The following PRPSAP1 variants were observed in gnomAD, a reference collection of about 807,000 sequenced individuals.
PRPSAP1 encodes phosphoribosyl pyrophosphate synthase-associated protein 1.
PRPSAP1 carries 31 observed loss-of-function variants against 39.4 expected under a neutral mutation model. The ratio of observed to expected loss-of-function variants is 0.79; its 90% confidence interval spans 0.59 to 1.06. The LOEUF (loss-of-function observed/expected upper bound fraction) is 1.06, where lower values mean the gene tolerates loss of function less well. Among genes scored for constraint, PRPSAP1 ranks in the 50% least tolerant of loss-of-function variants. PRPSAP1 has a pLI of 0.00. For missense variants in PRPSAP1, 430 were observed against 511.6 expected (o/e 0.84, Z 1.54); for synonymous variants, 212 against 192.6 (o/e 1.10, Z -0.83).
intron 3 of PRPSAP1, among the ~76,000 whole-genome samples, chr17:76,343,464 G>C (rs935615762): frequency 2.0e-5 from 3 of 152,254 alleles, no homozygotes; most frequent in Admixed American, 6.5e-5. Flanking sequence ...GTAACAACTA[G>C]AAGCTTTTCA....
At position 76,344,692 on chromosome 17, in the gene PRPSAP1, A is replaced by G. The variant is rs199893449; in HGVS notation, c.269T>C (p.Phe90Ser). The G allele has an allele frequency of 3.7e-5, 58 of 1,579,870 alleles. No homozygotes were observed. The highest frequency in any genetic ancestry group is 4.6e-5 in the Non-Finnish European group (53 of 1,157,388). Residue 90 changes from phenylalanine (F) to serine (S), a missense_variant, in exon 3 of 10, where the codon TTC becomes TCC. Phe to Ser is a radical substitution (Grantham distance 155). This residue lies in a region of PRPSAP1 where 152 missense variants were observed against 135.2 expected (regional missense o/e 1.12). Coordinates refer to ENST00000446526, the MANE Select transcript of PRPSAP1 (RefSeq NM_002766.3). ...TTACCTGGGTATTGTCTGTATAATG[A>G]AAATATCTTGGCCACGAACAGATTC... is the stretch of plus-strand genomic sequence containing the variant. ...IKESVRGQDIFIIQTIPRDVN... is the reference protein window; with the variant it reads ...IKESVRGQDISIIQTIPRDVN...
At chr17:76,343,382 C>T (rs761581741) in intron 3 of PRPSAP1, among the ~76,000 whole-genome samples, 3 of 152,206 alleles carry the variant, frequency 2.0e-5, no homozygotes, top group African/African-American at 4.8e-5. Flanking sequence ...AAACAGGCCA[C>T]GGTGCAAGAT....
chr17:76,351,965 AAGAC>A (rs1235871964), intron 1 of PRPSAP1, among the ~76,000 whole-genome samples: 9 of 152,140 alleles, frequency 5.9e-5, no homozygotes, highest in African/African-American at 1.2e-4. Context: ...CTCAGAAAGA[AAGAC>A]AAACAATCAG....
intron 7 of PRPSAP1, among the ~76,000 whole-genome samples, chr17:76,318,573 G>A (rs867224675): frequency 6.6e-6 from 1 of 152,130 alleles, no homozygotes; most frequent in Non-Finnish European, 1.5e-5. Flanking sequence ...ACCAACCAAC[G>A]AACCACTGGC....
intron 8 of PRPSAP1, 57 bp from the exon 9 acceptor site, chr17:76,313,073 C>A: frequency 6.4e-7 from 1 of 1,562,642 alleles, no homozygotes; most frequent in South Asian, 1.2e-5. Flanking sequence ...CCCATACTGT[C>A]AATGCACACA....
At chr17:76,353,131 GTGAGACT>G (rs1323588132) in intron 1 of PRPSAP1, 2 of 171,534 alleles carry the variant, frequency 1.2e-5, no homozygotes, top group Non-Finnish European at 2.5e-5. Flanking sequence ...TCTCACTGCA[GTGAGACT>G]TGAGAGTGGC....
rs1300515367 is a variant in PRPSAP1 at position 76,322,465 on chromosome 17, G to GT, written c.781+6251dup. ...GGAGATACACAAGGAGATTAGTGATGTTTTCATGCCCGCTAATACAACATC... is the reference window on the plus strand; with the variant it reads ...GGAGATACACAAGGAGATTAGTGATGTTTTTCATGCCCGCTAATACAACATC... On this transcript the variant is annotated intron_variant, in intron 7 of 9. Transcript: ENST00000446526. 3.3e-5 allele frequency among the ~76,000 whole-genome samples: 5 copies of GT among 152,288 alleles called. No homozygotes were observed. The South Asian group carries it at 1.0e-3, about 32-fold the overall frequency.
chr17:76,350,701 A>G (rs2071558777), intron 1 of PRPSAP1, among the ~76,000 whole-genome samples: 1 of 152,082 alleles, frequency 6.6e-6, no homozygotes, highest in African/African-American at 2.4e-5. Context: ...CAACACTGTG[A>G]ATGTAGTTAA....
chr17:76,341,585 C>T (rs571610982), intron 3 of PRPSAP1, among the ~76,000 whole-genome samples: 17 of 152,246 alleles, frequency 1.1e-4, no homozygotes, highest in Admixed American at 2.0e-4. Context: ...CAAATTCTTT[C>T]GTTATCACAA....
At chr17:76,340,865 G>T in intron 3 of PRPSAP1, among the ~76,000 whole-genome samples, 1 of 143,498 alleles carries the variant, frequency 7.0e-6, no homozygotes, top group African/African-American at 2.6e-5. Context: ...TCGCGCCATT[G>T]CACTCCAGCC....
chr17:76,354,163 C>T (rs977071762), upstream of PRPSAP1: 4 of 991,662 alleles, frequency 4.0e-6, no homozygotes, highest in African/African-American at 1.7e-5. Context: ...CAGGACCCAA[C>T]ATGTCCGCCT....
At chr17:76,335,004 TG>T (rs2071363390) in intron 3 of PRPSAP1, among the ~76,000 whole-genome samples, 1 of 152,228 alleles carries the variant, frequency 6.6e-6, no homozygotes, top group Non-Finnish European at 1.5e-5. Context: ...AAAGGCCATC[TG>T]GGACCACTCT....
chr17:76,348,710 G>C, intron 1 of PRPSAP1, 129 bp from the exon 2 acceptor site: 1 of 696,112 alleles, frequency 1.4e-6, no homozygotes, highest in Non-Finnish European at 2.2e-6. Context: ...AAATAATTCA[G>C]AAAATCTAAT....
intron 5 of PRPSAP1, 56 bp from the exon 6 acceptor site, chr17:76,330,154 G>A: frequency 1.4e-6 from 2 of 1,466,766 alleles, no homozygotes; most frequent in Non-Finnish European, 9.5e-7. Flanking sequence ...ATAACACCTG[G>A]ATGCTGGTAT....
At chr17:76,345,264 C>T (rs1162989590) in intron 2 of PRPSAP1, among the ~76,000 whole-genome samples, 4 of 85,770 alleles carry the variant, frequency 4.7e-5, no homozygotes, top group Admixed American at 3.1e-4. Context: ...AAGAGTTCTT[C>T]GAGACCAGCC....
chr17:76,343,818 G>A (rs184925989), intron 3 of PRPSAP1, among the ~76,000 whole-genome samples: 116 of 152,286 alleles, frequency 7.6e-4, no homozygotes, highest in African/African-American at 2.7e-3. Context: ...CGGGGTGACA[G>A]AGTGAGACTG....
At chr17:76,318,220 T>C (rs140848029) in intron 7 of PRPSAP1, among the ~76,000 whole-genome samples, 20,790 of 152,028 alleles carry the variant, frequency 0.14, 3,068 homozygotes, top group African/African-American at 0.37. Context: ...GAGGCCAAGG[T>C]GGGTGGATCA....
intron 7 of PRPSAP1, among the ~76,000 whole-genome samples, chr17:76,321,926 A>G (rs2071202450): frequency 1.3e-5 from 2 of 152,176 alleles, no homozygotes; most frequent in Admixed American, 1.3e-4. Context: ...AACCAGACAC[A>G]AAATAAAATT....
intron 7 of PRPSAP1, among the ~76,000 whole-genome samples, chr17:76,319,650 G>A (rs557304106): frequency 1.3e-5 from 2 of 151,778 alleles, no homozygotes; most frequent in Non-Finnish European, 2.9e-5. Flanking sequence ...TGTAATTTTA[G>A]TAGAGACGGG....
Sources: allele counts gnomAD v4.1 joint callset (sites outside exome capture counted in the v4.1 genomes callset), GRCh38; gene constraint gnomAD v4.1.1; regional missense constraint gnomAD v4.1.1; transcripts MANE v1.5; gene names NCBI Gene and HGNC (gene_info 2026-07-23, HGNC 2026-07-21).